REXO1: variants seen among roughly 807,000 people sequenced by gnomAD.
REXO1 encodes REX1, RNA exonuclease 1 homolog.
REXO1 carries 42 observed loss-of-function variants against 102.6 expected under a neutral mutation model. That is an observed-to-expected ratio of 0.41 (90% CI 0.32 to 0.53). The LOEUF (loss-of-function observed/expected upper bound fraction) is 0.53, where lower values mean the gene tolerates loss of function less well. Ranked by LOEUF, REXO1 falls within the 20% of genes least tolerant of loss-of-function variation. The pLI is 0.27. For missense variants in REXO1, 1,819 were observed against 1,732.5 expected (o/e 1.05, Z -0.89); for synonymous variants, 908 against 779.1 (o/e 1.17, Z -2.76).
Position 1,828,318 on chromosome 19 carries a change from G to A in REXO1, c.471C>T (p.Gly157=), listed in dbSNP as rs1225203862. 6.2e-7 allele frequency: 1 copy of A among 1,609,750 alleles called. No homozygotes were observed. ...LAFDYSPGSH[G]LLSPDAGYQP... is the part of the protein sequence containing the mutation. ...GGTAGCCGGCATCAGGGCTTAATAG[G>A]CCGTGGCTGCCGGGGCTGTAGTCGA... The change falls in exon 2 of 16, where the codon GGC becomes GGT. Residue 157 remains glycine, a synonymous_variant. Transcript: ENST00000170168.
Position 1,815,973 on chromosome 19 carries a change from G to C in REXO1, c.*93C>G, listed in dbSNP as rs772142680. On this transcript the variant is annotated 3_prime_UTR_variant, in exon 16 of 16. Coordinates refer to ENST00000170168, the MANE Select transcript of REXO1 (RefSeq NM_020695.4). This position sits in a 1 kb window ranked among gnomAD's most constrained non-coding sequence, Gnocchi z 4.0. The stretch of plus-strand genomic sequence containing the variant: ...TCTGGGCTGCCTCGGCCAGGTGGAC[G>C]GGTTACCGGAGATTTATTGCACTGT... 1.3e-6 allele frequency: 2 copies of C among 1,535,602 alleles called. No homozygotes were observed. The highest frequency in any genetic ancestry group is 1.7e-6 in the Non-Finnish European group (2 of 1,146,686).
chr19:1,839,473 C>G (rs1410430309), intron 1 of REXO1, among the ~76,000 whole-genome samples: 1 of 152,226 alleles, frequency 6.6e-6, no homozygotes, highest in Non-Finnish European at 1.5e-5. Context: ...GCCAGGGGTT[C>G]ACAGGCTGTT....
intron 5 of REXO1, among the ~76,000 whole-genome samples, chr19:1,820,762 G>A (rs1448049462): frequency 6.6e-6 from 1 of 152,050 alleles, no homozygotes; most frequent in Admixed American, 6.6e-5. Flanking sequence ...GGAGGCTGAG[G>A]CAGGAGGATC....
rs2069334491 is a variant in REXO1, at chr19:1,815,523, G to C, written c.*543C>G. On this transcript the variant is annotated 3_prime_UTR_variant, in exon 16 of 16. Coordinates refer to ENST00000170168, the MANE Select transcript of REXO1 (RefSeq NM_020695.4). The surrounding 1 kb of genome is among the most constrained non-coding windows in gnomAD (Gnocchi z 4.0). ...AGGCGGGTCCAGCCCACACTGCGCTGAGTGTGGCCCTGGCCCCCACTGGGG... is the reference window on the plus strand; with the variant it reads ...AGGCGGGTCCAGCCCACACTGCGCTCAGTGTGGCCCTGGCCCCCACTGGGG... The C allele has an allele frequency of 5.9e-6, 2 of 337,556 alleles. No individual in the cohort carries two copies. The highest frequency in any genetic ancestry group is 4.8e-6 in the Non-Finnish European group (1 of 207,956). 20.9% of individuals were successfully genotyped at this position (337,556 alleles called of 1,614,324 possible). A position where few individuals can be genotyped will look rare whatever the true frequency, so the allele number is the denominator to read the frequency against.
chr19:1,824,816 T>C (rs1348846897), intron 3 of REXO1, among the ~76,000 whole-genome samples: 1 of 152,064 alleles, frequency 6.6e-6, no homozygotes, highest in South Asian at 2.1e-4. Context: ...GACAGAGTCT[T>C]GCCTTGTCGC....
intron 10 of REXO1, 81 bp from the exon 11 acceptor site, chr19:1,817,861 C>G: frequency 8.6e-7 from 1 of 1,159,812 alleles, no homozygotes; most frequent in Non-Finnish European, 1.3e-6. Context: ...CTGCATCTAC[C>G]GAGCCCTACT....
intron 1 of REXO1, among the ~76,000 whole-genome samples, chr19:1,840,914 C>T (rs571369287): frequency 2.2e-4 from 34 of 152,210 alleles, no homozygotes; most frequent in Non-Finnish European, 4.7e-4. Flanking sequence ...CAGCTCGTCC[C>T]GAGTCCTCCC....
At chr19:1,816,375 T>TGGGGCCTGCGC in intron 14 of REXO1, 30 bp from the exon 15 acceptor site, 1 of 1,594,636 alleles carries the variant, frequency 6.3e-7, no homozygotes, top group Non-Finnish European at 8.5e-7. Flanking sequence ...TCAGCGCACG[T>TGGGGCCTGCGC]GGGGCCTGCG....
intron 1 of REXO1, among the ~76,000 whole-genome samples, chr19:1,840,080 C>T (rs536038189): frequency 1.2e-4 from 18 of 152,322 alleles, no homozygotes; most frequent in African/African-American, 4.3e-4. Flanking sequence ...GACCTGTCGC[C>T]AGGACAAATG....
At position 1,847,885 on chromosome 19, in the gene REXO1, C is replaced by A. The variant is rs150907242; in HGVS notation, c.157+317G>T. Among the ~76,000 whole-genome samples, 7 of 152,326 alleles carry A rather than the reference C, an allele frequency of 4.6e-5. No homozygotes were observed. In the East Asian group the frequency reaches 1.4e-3, roughly 29 times the overall value. ...AGGACCTGCCTAGCGCCGGCCGCGC[C>A]CGTCTCCCGAGCCCCCTTGTGTCAG... On this transcript the variant is annotated intron_variant, in intron 1 of 15. Transcript: ENST00000170168.
chr19:1,825,596 C>T (rs2069691544), intron 3 of REXO1, among the ~76,000 whole-genome samples: 1 of 151,926 alleles, frequency 6.6e-6, no homozygotes, highest in Admixed American at 6.6e-5. Flanking sequence ...CTGCCTCAGC[C>T]TCTCTAGTAG....
intron 1 of REXO1, among the ~76,000 whole-genome samples, chr19:1,838,076 G>A (rs940896901): frequency 1.4e-4 from 22 of 152,176 alleles, no homozygotes; most frequent in African/African-American, 5.1e-4. Flanking sequence ...GGGAGGCTGA[G>A]CCCAAGGCCG....
chr19:1,829,784 C>T (rs545365308), intron 1 of REXO1, among the ~76,000 whole-genome samples: 96 of 152,172 alleles, frequency 6.3e-4, no homozygotes, highest in Middle Eastern at 3.4e-3. Flanking sequence ...CTCCAGCCTG[C>T]GCGACAAGAG....
intron 1 of REXO1, among the ~76,000 whole-genome samples, chr19:1,835,350 C>G (rs1167897248): frequency 6.6e-6 from 1 of 152,030 alleles, no homozygotes; most frequent in Non-Finnish European, 1.5e-5. Context: ...CGAAACCAGC[C>G]TGGCCAACAT....
chr19:1,818,507 G>A lies in REXO1; in HGVS notation c.2991C>T (p.His997=), dbSNP rs1348016231. 3.1e-6 allele frequency: 5 copies of A among 1,610,390 alleles called. No homozygotes were observed. The highest frequency in any genetic ancestry group is 1.3e-5 in the African/African-American group (1 of 74,880). The change falls in exon 10 of 16, where the codon CAC becomes CAT. Residue 997 remains histidine (H), a synonymous_variant. Coordinates refer to ENST00000170168, the MANE Select transcript of REXO1 (RefSeq NM_020695.4). ...CCCGGTTCCGGCGCAGCCGTCCCCAGTGGTAATAACACTCCTCGTCCCGGA... is the reference window on the plus strand; with the variant it reads ...CCCGGTTCCGGCGCAGCCGTCCCCAATGGTAATAACACTCCTCGTCCCGGA... ...RCIRDEECYY[H]WGRLRRNRVA... is the part of the protein sequence containing the mutation.
chr19:1,829,542 C>T (rs548551443), intron 1 of REXO1, among the ~76,000 whole-genome samples: 129 of 152,310 alleles, frequency 8.5e-4, no homozygotes, highest in Middle Eastern at 3.4e-3. Context: ...GGCGCGGTGG[C>T]GCACGCCTGT....
intron 7 of REXO1, 47 bp downstream of exon 7, chr19:1,819,887 C>T (rs763385374): frequency 1.3e-6 from 2 of 1,515,974 alleles, no homozygotes; most frequent in South Asian, 1.3e-5. Flanking sequence ...CCAGCTGCCA[C>T]CCCAAGAGCA....
chr19:1,821,484 G>T (rs377353220), intron 5 of REXO1, 35 bp downstream of exon 5: 3 of 1,612,648 alleles, frequency 1.9e-6, no homozygotes, highest in African/African-American at 2.7e-5. Flanking sequence ...CGTGGTCTTG[G>T]GGGTGGTGGT....
At chr19:1,832,221 C>T (rs964169615) in intron 1 of REXO1, among the ~76,000 whole-genome samples, 9 of 152,212 alleles carry the variant, frequency 5.9e-5, no homozygotes, top group African/African-American at 1.9e-4. Flanking sequence ...CTGGGAAAGG[C>T]GGGCACTGAC....
Sources: allele counts gnomAD v4.1 joint callset (sites outside exome capture counted in the v4.1 genomes callset), GRCh38; gene constraint gnomAD v4.1.1; non-coding constraint Gnocchi (gnomAD v3.1); transcripts MANE v1.5; gene names NCBI Gene and HGNC (gene_info 2026-07-23, HGNC 2026-07-21).